The following ASAP1 variants were observed in gnomAD, a reference collection of about 807,000 sequenced individuals.
ASAP1 encodes the protein ArfGAP with SH3 domain, ankyrin repeat and PH domain 1.
A neutral mutation model predicts 145.2 loss-of-function variants in ASAP1; 43 were observed. The ratio of observed to expected loss-of-function variants is 0.30; its 90% CI spans 0.23 to 0.38. The LOEUF is 0.38. ASAP1 is among the 10% of genes least tolerant of loss of function. The pLI is 1.00. For missense variants in ASAP1, 1,018 were observed against 1,355.3 expected (o/e 0.75, Z 3.91); for synonymous variants, 546 against 515.5 (o/e 1.06, Z -0.80).
intron 5 of ASAP1, among the ~76,000 whole-genome samples, chr8:130,190,254 A>G (rs1470411212): frequency 6.6e-6 from 1 of 152,128 alleles, no homozygotes; most frequent in African/African-American, 2.4e-5. Flanking sequence ...AGTTTCCCCC[A>G]AAGTTTTCTT....
intron 3 of ASAP1, among the ~76,000 whole-genome samples, chr8:130,261,676 T>C (rs1002006191): frequency 2.6e-5 from 4 of 152,104 alleles, no homozygotes; most frequent in African/African-American, 4.8e-5. Context: ...GGCAATCATA[T>C]AGTCAACAGA....
intron 3 of ASAP1, among the ~76,000 whole-genome samples, chr8:130,307,157 G>T (rs1345651030): frequency 6.6e-6 from 1 of 152,004 alleles, no homozygotes; most frequent in Non-Finnish European, 1.5e-5. Flanking sequence ...TGCTTTATCT[G>T]TCTCCCTCTA....
At chr8:130,439,924 G>A (rs1830436140) in intron 1 of ASAP1, among the ~76,000 whole-genome samples, 1 of 152,182 alleles carries the variant, frequency 6.6e-6, no homozygotes, top group African/African-American at 2.4e-5. Context: ...AATTTAGGAT[G>A]GCTGATACAG....
At chr8:130,134,441 A>AGTAGAATT in intron 14 of ASAP1, 97 bp from the exon 15 acceptor site, 1 of 687,092 alleles carries the variant, frequency 1.5e-6, no homozygotes, top group Non-Finnish European at 2.3e-6. Context: ...AACCAGTAAA[A>AGTAGAATT]GTAGAATTTT....
At chr8:130,183,119 A>G (rs1814482238) in intron 7 of ASAP1, among the ~76,000 whole-genome samples, 1 of 152,148 alleles carries the variant, frequency 6.6e-6, no homozygotes, top group African/African-American at 2.4e-5. Flanking sequence ...GATTGCAAAC[A>G]GAATGCACAT....
At chr8:130,293,441 C>T (rs1336845102) in intron 3 of ASAP1, among the ~76,000 whole-genome samples, 1 of 152,212 alleles carries the variant, frequency 6.6e-6, no homozygotes, top group Non-Finnish European at 1.5e-5. Flanking sequence ...CCCCAGCAAA[C>T]CACTTCCTGA....
chr8:130,130,465 C>T lies in ASAP1; in HGVS notation c.1218-2375G>A, dbSNP rs570505821. 3.3e-5 allele frequency among the ~76,000 whole-genome samples: 5 copies of T among 152,162 alleles called. No homozygotes were observed. In the East Asian group the frequency reaches 9.6e-4, roughly 29 times the overall value. On this transcript the variant is annotated intron_variant, in intron 15 of 29. Coordinates refer to ENST00000518721, the MANE Select transcript of ASAP1 (RefSeq NM_018482.4). The stretch of plus-strand genomic sequence containing the variant: ...GGATAATTTTCTAGAGAAAATAATT[C>T]AAATTTGGTGGAATGAAATGGCTAA...
In ASAP1 at chr8:130,057,949, C is replaced by T. The variant is rs746856571; in HGVS notation, c.3315+5G>A. 3 of 1,614,068 alleles carry T rather than the reference C, an allele frequency of 1.9e-6. No homozygotes were observed. The highest frequency in any genetic ancestry group is 2.5e-6 in the Non-Finnish European group (3 of 1,179,908). ...CGGATGAAGTGGATGGATATTCGTA[C>T]GTACCCACCACTCCTGGTCCTCTTC... On this transcript the variant is annotated splice_donor_5th_base_variant and intron_variant, in intron 29 of 29. Coordinates refer to ENST00000518721, the MANE Select transcript of ASAP1 (RefSeq NM_018482.4).
intron 23 of ASAP1, among the ~76,000 whole-genome samples, chr8:130,115,343 G>A (rs1325651642): frequency 6.6e-6 from 1 of 152,184 alleles, no homozygotes; most frequent in Non-Finnish European, 1.5e-5. Context: ...CCAGCCTGCT[G>A]GCCTGCCCTG....
intron 1 of ASAP1, among the ~76,000 whole-genome samples, chr8:130,434,309 T>C (rs903162623): frequency 2.0e-5 from 3 of 152,032 alleles, no homozygotes; most frequent in African/African-American, 7.3e-5. Flanking sequence ...CACTACAGCC[T>C]GGGAGACAGA....
intron 1 of ASAP1, among the ~76,000 whole-genome samples, chr8:130,431,777 T>C (rs868097227): frequency 6.7e-6 from 1 of 148,700 alleles, no homozygotes; most frequent in Middle Eastern, 3.5e-3. Flanking sequence ...AGCTGGCAAA[T>C]GGTAGGCACT....
chr8:130,298,726 A>G (rs571577092), intron 3 of ASAP1, among the ~76,000 whole-genome samples: 1 of 151,968 alleles, frequency 6.6e-6, no homozygotes, highest in African/African-American at 2.4e-5. Flanking sequence ...GTTCTCTCCC[A>G]CCTCTATCCC....
At chr8:130,071,768 C>G (rs949654218) in intron 27 of ASAP1, among the ~76,000 whole-genome samples, 1 of 152,166 alleles carries the variant, frequency 6.6e-6, no homozygotes, top group Non-Finnish European at 1.5e-5. Context: ...AACCTGCAAA[C>G]CTGAGTGTCC....
chr8:130,111,859 T>TA (rs2097547441), intron 24 of ASAP1, among the ~76,000 whole-genome samples: 1 of 152,286 alleles, frequency 6.6e-6, no homozygotes, highest in Non-Finnish European at 1.5e-5. Context: ...CTTCACAGGA[T>TA]TGTTGTAAGG....
At chr8:130,399,256 A>T (rs1268959710) in intron 2 of ASAP1, among the ~76,000 whole-genome samples, 1 of 152,210 alleles carries the variant, frequency 6.6e-6, no homozygotes, top group East Asian at 1.9e-4. Flanking sequence ...TTGCTGTAGA[A>T]AATCTGTGTT....
At chr8:130,276,760 T>TCTCTCTCTCTCTCTCTCTCCCC (rs1333515760) in intron 3 of ASAP1, among the ~76,000 whole-genome samples, 7 of 130,282 alleles carry the variant, frequency 5.4e-5, no homozygotes, top group Non-Finnish European at 5.0e-5. Context: ...TCTCTCTCTC[T>TCTCTCTCTCTCTCTCTCTCCCC]CCTCTAACAA....
chr8:130,260,687 T>C (rs371478154), intron 3 of ASAP1, among the ~76,000 whole-genome samples: 80 of 152,162 alleles, frequency 5.3e-4, no homozygotes, highest in African/African-American at 1.8e-3. Context: ...ACTTGGTGGA[T>C]GAGCCTCAAA....
chr8:130,385,731 C>T (rs76280774), intron 2 of ASAP1, among the ~76,000 whole-genome samples: 3,345 of 152,300 alleles, frequency 0.022, 132 homozygotes, highest in African/African-American at 0.076. Flanking sequence ...GGCTCTTCAA[C>T]AGCCCGCTAA....
At chr8:130,092,476 A>C (rs2097507638) in intron 24 of ASAP1, among the ~76,000 whole-genome samples, 1 of 152,068 alleles carries the variant, frequency 6.6e-6, no homozygotes, top group South Asian at 2.1e-4. Flanking sequence ...AAATTTAAAA[A>C]ATTAGCCAGG....
Sources: allele counts gnomAD v4.1 joint callset (sites outside exome capture counted in the v4.1 genomes callset), GRCh38; gene constraint gnomAD v4.1.1; transcripts MANE v1.5; gene names NCBI Gene and HGNC (gene_info 2026-07-23, HGNC 2026-07-21).